PLEKHH2: variants seen among roughly 807,000 people sequenced by gnomAD.
PLEKHH2 encodes pleckstrin homology domain-containing family H member 2.
Under a neutral mutation model 187.9 loss-of-function variants are expected in PLEKHH2, and 129 were observed. The ratio of observed to expected loss-of-function variants is 0.69; its 90% confidence interval spans 0.59 to 0.79. The LOEUF (loss-of-function observed/expected upper bound fraction) is 0.79. Among genes scored for constraint, PLEKHH2 ranks in the 30% least tolerant of loss-of-function variants. PLEKHH2 has a pLI of 0.00. For missense variants in PLEKHH2, 2,076 were observed against 1,751.2 expected (o/e 1.19, Z -3.31); for synonymous variants, 686 against 605.6 (o/e 1.13, Z -1.95).
In PLEKHH2 at chr2:43,643,493, T is replaced by C. The variant is rs116401439; in HGVS notation, c.-3-1178T>C. On this transcript the variant is annotated intron_variant, in intron 1 of 29. Coordinates refer to ENST00000282406, the MANE Select transcript of PLEKHH2 (RefSeq NM_172069.4). ...TCTTCATGCTAGGAAAATAATCTTT[T>C]AGTGGGTTTTTAGCAGCATAAAGTT... Among the ~76,000 whole-genome samples, 620 of 152,268 alleles carry C rather than the reference T, an allele frequency of 4.1e-3. 3 individuals are homozygous for C. The highest frequency in any genetic ancestry group is 0.014 in the African/African-American group (588 of 41,572).
At position 43,738,485 on chromosome 2, in the gene PLEKHH2, C is replaced by T. The variant is rs774796129; in HGVS notation, c.3088C>T (p.Arg1030Ter). 25 of 1,613,042 alleles carry T rather than the reference C, an allele frequency of 1.5e-5. No individual in the cohort carries two copies. Among genetic ancestry groups the T allele is most frequent in the East Asian group, 2.2e-5 (1 of 44,870 alleles). ...CTGTCAGCTTATTAAACAGACAAGACGAAGACAGCCACAGAATCAACCAGG... is the reference window on the plus strand; with the variant it reads ...CTGTCAGCTTATTAAACAGACAAGATGAAGACAGCCACAGAATCAACCAGG... ...ICCQLIKQTRRRQPQNQPGPL... is the reference protein window; with the variant it reads ...ICCQLIKQTR Residue 1030 changes from arginine to a stop codon, truncating the protein, a stop_gained, in exon 20 of 30, where the codon CGA becomes TGA. Coordinates refer to ENST00000282406, the MANE Select transcript of PLEKHH2 (RefSeq NM_172069.4). LOFTEE classifies it high-confidence loss of function.
intron 3 of PLEKHH2, among the ~76,000 whole-genome samples, chr2:43,679,853 G>T (rs1668077197): frequency 1.3e-5 from 2 of 152,038 alleles, no homozygotes; most frequent in Non-Finnish European, 2.9e-5. Context: ...TTTAAATTTT[G>T]TAATGACAGG....
At chr2:43,748,411 G>C (rs1465890474) in intron 24 of PLEKHH2, among the ~76,000 whole-genome samples, 1 of 152,188 alleles carries the variant, frequency 6.6e-6, no homozygotes, top group Non-Finnish European at 1.5e-5. Context: ...AGGACAGCAG[G>C]CTAGAATATT....
intron 2 of PLEKHH2, among the ~76,000 whole-genome samples, chr2:43,678,112 G>T (rs193086070): frequency 4.6e-4 from 69 of 151,550 alleles, no homozygotes; most frequent in Non-Finnish European, 7.5e-4. Context: ...ATTCCAGACC[G>T]GGCGGCGGGG....
intron 2 of PLEKHH2, among the ~76,000 whole-genome samples, chr2:43,674,464 T>C (rs1667631256): frequency 6.6e-6 from 1 of 152,202 alleles, no homozygotes; most frequent in African/African-American, 2.4e-5. Flanking sequence ...TCTAGAGACA[T>C]CCAAAAGACT....
intron 14 of PLEKHH2, 29 bp from the exon 15 acceptor site, chr2:43,712,196 T>C (rs1212301414): frequency 6.2e-7 from 1 of 1,601,946 alleles, no homozygotes; most frequent in South Asian, 1.1e-5. Flanking sequence ...CACAGTTTTC[T>C]TTCCTATACC....
At chr2:43,719,104 C>CA (rs1670352951) in intron 15 of PLEKHH2, among the ~76,000 whole-genome samples, 3 of 152,176 alleles carry the variant, frequency 2.0e-5, no homozygotes, top group African/African-American at 7.2e-5. Flanking sequence ...TGAGCCTCTG[C>CA]ACTCTTGATG....
In PLEKHH2 at chr2:43,710,583, ACT is replaced by A; in HGVS notation, c.2301+9_2301+10del. On this transcript the variant is annotated intron_variant, in intron 14 of 29. Coordinates refer to ENST00000282406, the MANE Select transcript of PLEKHH2 (RefSeq NM_172069.4). ...AACAAACAAACAGTTCAGGTACTTA[ACT>A]TTTTTTTTTTTTTTTTTTTTTTTGT... The A allele has an allele frequency of 1.4e-6, 2 of 1,411,138 alleles. No homozygotes were observed. Among genetic ancestry groups the A allele is most frequent in the South Asian group, 1.6e-5 (1 of 63,910 alleles). The allele number at this position is 1,411,138 out of a possible 1,614,324, so 87.4% of individuals were successfully genotyped here.
At chr2:43,672,612 C>A (rs1238138430) in intron 2 of PLEKHH2, among the ~76,000 whole-genome samples, 1 of 152,154 alleles carries the variant, frequency 6.6e-6, no homozygotes, top group African/African-American at 2.4e-5. Context: ...TTTCTATGTA[C>A]TTTCATATAT....
intron 2 of PLEKHH2, among the ~76,000 whole-genome samples, chr2:43,676,605 C>T (rs1453982070): frequency 2.6e-5 from 4 of 152,008 alleles, no homozygotes; most frequent in Non-Finnish European, 5.9e-5. Context: ...GAGTCACAGA[C>T]GGCTCTAAAG....
Position 43,652,073 on chromosome 2 carries a change from T to C in PLEKHH2, c.123+7277T>C, listed in dbSNP as rs1666502195. On this transcript the variant is annotated intron_variant, in intron 2 of 29. Transcript: ENST00000282406. The stretch of plus-strand genomic sequence containing the variant: ...CAATCTTTTCTTTAGTGTGAGAGGG[T>C]GGGAGAGTATCTGCTGGGCGGTGAG... Among the ~76,000 whole-genome samples the C allele has an allele frequency of 2.0e-5, 3 of 152,042 alleles. No homozygotes were observed. The South Asian group carries it at 6.2e-4, about 32-fold the overall frequency.
chr2:43,680,125 TCA>T (rs758075621), intron 3 of PLEKHH2, among the ~76,000 whole-genome samples: 58 of 152,348 alleles, frequency 3.8e-4, no homozygotes, highest in Admixed American at 4.6e-4. Flanking sequence ...TGAAAAGATC[TCA>T]GTCATATTCA....
chr2:43,725,934 G>T (rs1315131224), intron 16 of PLEKHH2, among the ~76,000 whole-genome samples: 1 of 151,166 alleles, frequency 6.6e-6, no homozygotes, highest in East Asian at 1.9e-4. Flanking sequence ...AATGTAGCAA[G>T]ACCCTATCTC....
intron 2 of PLEKHH2, among the ~76,000 whole-genome samples, chr2:43,657,380 G>A (rs1306122756): frequency 6.6e-6 from 1 of 152,150 alleles, no homozygotes; most frequent in African/African-American, 2.4e-5. Flanking sequence ...TGGGAGTGGT[G>A]AAACAACTGG....
chr2:43,698,889 A>G (rs1430065870), intron 7 of PLEKHH2, among the ~76,000 whole-genome samples: 1 of 152,212 alleles, frequency 6.6e-6, no homozygotes, highest in East Asian at 1.9e-4. Context: ...TCTTATTATA[A>G]AAACACATTT....
Position 43,700,199 on chromosome 2 carries a change from C to T in PLEKHH2, c.1241C>T (p.Ala414Val). The T allele has an allele frequency of 6.2e-7, 1 of 1,614,166 alleles. No individual in the cohort carries two copies. Among genetic ancestry groups the T allele is most frequent in the Non-Finnish European group, 8.5e-7 (1 of 1,180,020 alleles). Residue 414 changes from alanine (A) to valine (V), a missense_variant, in exon 8 of 30, where the codon GCT (alanine) becomes GTT (valine). Physicochemically the swap from Ala to Val is moderately conservative, Grantham distance 64. Coordinates refer to ENST00000282406, the MANE Select transcript of PLEKHH2 (RefSeq NM_172069.4). ...ANTPSPILTPALMPKHPNSLS... is the reference protein window; with the variant it reads ...ANTPSPILTPVLMPKHPNSLS... Reference sequence around the variant, plus strand: ...ACCCCAAGCCCTATTTTGACCCCAGCTTTAATGCCAAAGCATCCTAACTCA... The same window carrying T: ...ACCCCAAGCCCTATTTTGACCCCAGTTTTAATGCCAAAGCATCCTAACTCA...
intron 20 of PLEKHH2, among the ~76,000 whole-genome samples, chr2:43,739,212 G>C (rs1413986815): frequency 6.6e-6 from 1 of 152,070 alleles, no homozygotes; most frequent in Non-Finnish European, 1.5e-5. Flanking sequence ...CTTGTGGACA[G>C]GTCCAGCGAA....
At chr2:43,679,665 T>C in intron 3 of PLEKHH2, 1 of 223,134 alleles carries the variant, frequency 4.5e-6, no homozygotes, top group Non-Finnish European at 9.1e-6. Context: ...CCGGCTAATT[T>C]TTATATTGTT....
Position 43,711,851 on chromosome 2 carries a change from G to A in PLEKHH2, c.2302-374G>A, listed in dbSNP as rs181224039. 8.0e-4 allele frequency: 571 copies of A among 713,460 alleles called. 2 individuals are homozygous for A. The African/African-American group carries it at 0.011, about 13-fold the overall frequency. The allele number at this position is 713,460 out of a possible 1,614,324, so 44.2% of individuals were successfully genotyped here. A position where few individuals can be genotyped will look rare whatever the true frequency, so the allele number is the denominator to read the frequency against. ...GGAGCTTGCAGTGAGCCAAGATGGCGCCACTGCACTCCAGCCTGGGCGACA... is the reference window on the plus strand; with the variant it reads ...GGAGCTTGCAGTGAGCCAAGATGGCACCACTGCACTCCAGCCTGGGCGACA... On this transcript the variant is annotated intron_variant, in intron 14 of 29. Transcript: ENST00000282406.
Sources: allele counts gnomAD v4.1 joint callset (sites outside exome capture counted in the v4.1 genomes callset), GRCh38; gene constraint gnomAD v4.1.1; transcripts MANE v1.5; gene names NCBI Gene and HGNC (gene_info 2026-07-23, HGNC 2026-07-21).